Variants in DCLK1 observed in about 807,000 individuals in gnomAD.
DCLK1 encodes the protein doublecortin like kinase 1, also known as serine/threonine-protein kinase DCLK1.
Under a neutral mutation model 86.2 loss-of-function variants are expected in DCLK1, and 16 were observed. The ratio of observed to expected loss-of-function variants is 0.19; its 90% CI spans 0.13 to 0.28. The LOEUF is 0.28. DCLK1 is among the 10% of genes least tolerant of loss of function. The pLI is 1.00. For synonymous variants in DCLK1, 369 were observed against 370.5 expected (o/e 1.00, Z 0.05); for missense variants, 590 against 940.2 (o/e 0.63, Z 4.87).
At chr13:36,101,779 C>T (rs1294275633) in intron 3 of DCLK1, among the ~76,000 whole-genome samples, 1 of 152,012 alleles carries the variant, frequency 6.6e-6, no homozygotes, top group African/African-American at 2.4e-5. Context: ...CACTCTGTCG[C>T]CCAGGCTGGG....
intron 3 of DCLK1, among the ~76,000 whole-genome samples, chr13:35,972,696 G>A (rs1410368077): frequency 6.6e-6 from 1 of 152,098 alleles, no homozygotes; most frequent in Non-Finnish European, 1.5e-5. Context: ...ATACTGCAGT[G>A]AGGTGGACTC....
intron 3 of DCLK1, among the ~76,000 whole-genome samples, chr13:36,086,020 C>T (rs920603047): frequency 6.6e-6 from 1 of 152,198 alleles, no homozygotes; most frequent in Non-Finnish European, 1.5e-5. Flanking sequence ...AATCTTGTGG[C>T]ACTCACCACA....
At chr13:35,859,912 C>G (rs1871287875) in intron 5 of DCLK1, among the ~76,000 whole-genome samples, 1 of 152,174 alleles carries the variant, frequency 6.6e-6, no homozygotes, top group Admixed American at 6.5e-5. Context: ...AGTCGCGTTC[C>G]TAAAAGTCTC....
chr13:35,913,316 A>G (rs1195804915), intron 4 of DCLK1, among the ~76,000 whole-genome samples: 1 of 147,926 alleles, frequency 6.8e-6, no homozygotes, highest in African/African-American at 2.4e-5. Context: ...ATAATGGTAT[A>G]TTCTTTCACC....
intron 3 of DCLK1, among the ~76,000 whole-genome samples, chr13:36,101,991 C>A (rs1024996122): frequency 1.3e-5 from 2 of 152,154 alleles, no homozygotes; most frequent in African/African-American, 4.8e-5. Context: ...GATCTGCCTG[C>A]CTCAGCCTCC....
chr13:36,083,317 T>C (rs1340566509), intron 3 of DCLK1, among the ~76,000 whole-genome samples: 2 of 152,208 alleles, frequency 1.3e-5, no homozygotes. Context: ...GTCTAGTTTG[T>C]TTTTAACTGT....
chr13:36,000,577 T>C (rs1880669759), intron 3 of DCLK1, among the ~76,000 whole-genome samples: 1 of 152,138 alleles, frequency 6.6e-6, no homozygotes, highest in South Asian at 2.1e-4. Flanking sequence ...TTACATACCA[T>C]TAAATACCAT....
At chr13:35,932,489 A>G (rs1488444398) in intron 4 of DCLK1, among the ~76,000 whole-genome samples, 1 of 152,214 alleles carries the variant, frequency 6.6e-6, no homozygotes, top group East Asian at 1.9e-4. Context: ...GCAATTTACA[A>G]AAGAAAGAGG....
intron 3 of DCLK1, among the ~76,000 whole-genome samples, chr13:35,958,974 A>G (rs1173475298): frequency 6.6e-6 from 1 of 152,220 alleles, no homozygotes; most frequent in Non-Finnish European, 1.5e-5. Context: ...CAGCTAATAA[A>G]AGGTTGAGAG....
At chr13:35,863,007 T>C (rs1871514662) in intron 5 of DCLK1, among the ~76,000 whole-genome samples, 1 of 152,234 alleles carries the variant, frequency 6.6e-6, no homozygotes, top group African/African-American at 2.4e-5. Flanking sequence ...ACCTTTTCTA[T>C]GTTTACACCT....
Position 35,769,817 on chromosome 13 carries a change from A to G in DCLK1, c.*4718T>C, listed in dbSNP as rs1471030274. The G allele has an allele frequency of 2.0e-5, 3 of 152,230 alleles. No individual in the cohort carries two copies. The highest frequency in any genetic ancestry group is 2.9e-5 in the Non-Finnish European group (2 of 68,030). 9.4% of individuals were successfully genotyped at this position (152,230 alleles called of 1,614,324 possible). A position where few individuals can be genotyped will look rare whatever the true frequency, so the allele number is the denominator to read the frequency against. ...TTGAACAGAAACAAATGCTGAAGAA[A>G]TTTACAGGTATGATTTAATTTTAGA... On this transcript the variant is annotated 3_prime_UTR_variant, in exon 17 of 17. Coordinates refer to ENST00000360631, the MANE Select transcript of DCLK1 (RefSeq NM_001330071.2).
chr13:35,880,339 G>A (rs951732579), intron 4 of DCLK1, among the ~76,000 whole-genome samples: 5 of 152,160 alleles, frequency 3.3e-5, no homozygotes, highest in Admixed American at 1.3e-4. Flanking sequence ...TGCTGTGTGC[G>A]AACCCGAGTG....
intron 1 of DCLK1, among the ~76,000 whole-genome samples, chr13:36,127,119 T>G (rs1886215292): frequency 6.6e-6 from 1 of 152,236 alleles, no homozygotes; most frequent in Admixed American, 6.5e-5. Context: ...TGTAAAAGTT[T>G]TACATAATGT....
chr13:35,885,125 G>T (rs566751223), intron 4 of DCLK1, among the ~76,000 whole-genome samples: 8 of 152,090 alleles, frequency 5.3e-5, no homozygotes, highest in Non-Finnish European at 7.4e-5. Context: ...AAGCTTGATC[G>T]GGAACAGAGA....
At chr13:36,076,815 C>T (rs995226223) in intron 3 of DCLK1, among the ~76,000 whole-genome samples, 1 of 152,168 alleles carries the variant, frequency 6.6e-6, no homozygotes, top group African/African-American at 2.4e-5. Flanking sequence ...CTGTCTTCTA[C>T]ATAACGCTTT....
rs763853168 is a variant in DCLK1, at chr13:35,871,344, G to T, written c.824-4C>A. 3 of 1,611,976 alleles carry T rather than the reference G, an allele frequency of 1.9e-6. No homozygotes were observed. Among genetic ancestry groups the T allele is most frequent in the Middle Eastern group, 1.7e-4 (1 of 6,054 alleles). On this transcript the variant is annotated splice_polypyrimidine_tract_variant and splice_region_variant and intron_variant, in intron 4 of 16. Coordinates refer to ENST00000360631, the MANE Select transcript of DCLK1 (RefSeq NM_001330071.2). ...GTGGACTTTACCACTCGACATTCTG[G>T]GGAAAGAACAAAAACCACACATCAT... is the stretch of plus-strand genomic sequence containing the variant.
intron 3 of DCLK1, among the ~76,000 whole-genome samples, chr13:36,001,664 G>A (rs929626373): frequency 3.9e-5 from 6 of 152,170 alleles, no homozygotes; most frequent in African/African-American, 1.4e-4. Context: ...AGTGATGAAG[G>A]AGACAAAAGA....
chr13:36,130,700 A>G (rs776896810), intron 1 of DCLK1, among the ~76,000 whole-genome samples: 1 of 151,850 alleles, frequency 6.6e-6, no homozygotes, highest in African/African-American at 2.4e-5. Flanking sequence ...AAAAGCACAC[A>G]CACAATAAGA....
At chr13:35,832,232 T>C (rs1869018402) in intron 8 of DCLK1, among the ~76,000 whole-genome samples, 1 of 152,092 alleles carries the variant, frequency 6.6e-6, no homozygotes, top group African/African-American at 2.4e-5. Flanking sequence ...CCCAGAACTT[T>C]GAGACTGCAA....
Sources: allele counts gnomAD v4.1 joint callset (sites outside exome capture counted in the v4.1 genomes callset), GRCh38; gene constraint gnomAD v4.1.1; transcripts MANE v1.5; gene names NCBI Gene and HGNC (gene_info 2026-07-23, HGNC 2026-07-21).